Variants in ECPAS observed in about 807,000 individuals in gnomAD.
ECPAS encodes proteasome adapter and scaffold protein ECM29.
ECPAS carries 70 observed loss-of-function variants against 255.1 expected under a neutral mutation model. The observed-to-expected ratio is 0.27, with a 90% CI of 0.23 to 0.33. ECPAS has a LOEUF of 0.33. Among genes scored for constraint, ECPAS ranks in the 10% least tolerant of loss-of-function variants. The probability of loss-of-function intolerance (pLI) is 1.00; values close to 1 mark genes in which losing one functional copy is unlikely to be tolerated. For synonymous variants in ECPAS, 784 were observed against 775.0 expected, an observed-to-expected ratio of 1.01 and a Z score of -0.19; for missense variants, 1,817 against 2,206.4, an observed-to-expected ratio of 0.82 and a Z score of 3.54.
At chr9:111,399,088 CCCTATTCT>C (rs1164602245) in intron 24 of ECPAS, among the ~76,000 whole-genome samples, 1 of 152,038 alleles carries the variant, frequency 6.6e-6, no homozygotes, top group Non-Finnish European at 1.5e-5. Context: ...GGGATGGATA[CCCTATTCT>C]CCATGATGTG....
chr9:111,483,170 C>A (rs904840650), intron 1 of ECPAS, among the ~76,000 whole-genome samples: 5 of 152,130 alleles, frequency 3.3e-5, no homozygotes, highest in African/African-American at 1.2e-4. Flanking sequence ...CCCGTCACCC[C>A]GGGGCTCCGG....
intron 28 of ECPAS, 70 bp downstream of exon 28, chr9:111,392,698 C>T: frequency 9.8e-7 from 1 of 1,024,250 alleles, no homozygotes; most frequent in Non-Finnish European, 1.5e-6. Context: ...CTTCCTTCTC[C>T]AGCATCTTCT....
At chr9:111,393,880 C>G (rs2098163871) in intron 26 of ECPAS, 146 bp from the exon 27 acceptor site, 2 of 696,576 alleles carry the variant, frequency 2.9e-6, no homozygotes, top group Non-Finnish European at 4.8e-6. Flanking sequence ...ACAGGTGGCC[C>G]AAATCACCTG....
chr9:111,414,745 A>T (rs2098200504), intron 18 of ECPAS, 94 bp from the exon 19 acceptor site: 1 of 1,102,082 alleles, frequency 9.1e-7, no homozygotes, highest in Admixed American at 2.2e-5. Flanking sequence ...GTTTTGATTC[A>T]CCCACACTTC....
intron 24 of ECPAS, among the ~76,000 whole-genome samples, chr9:111,406,947 C>T (rs1388292725): frequency 6.7e-6 from 1 of 149,132 alleles, no homozygotes; most frequent in Non-Finnish European, 1.5e-5. Flanking sequence ...GTGTCCTATT[C>T]GACTGTGAAG....
intron 1 of ECPAS, among the ~76,000 whole-genome samples, chr9:111,479,860 T>C (rs2098301801): frequency 6.6e-6 from 1 of 150,484 alleles, no homozygotes; most frequent in Non-Finnish European, 1.5e-5. Context: ...GTGCCTGTAA[T>C]CCCAGTTACT....
intron 28 of ECPAS, among the ~76,000 whole-genome samples, 187 bp from the exon 29 acceptor site, chr9:111,392,011 T>C (rs1174257406): frequency 3.3e-5 from 5 of 152,004 alleles, no homozygotes. Context: ...GAGGCCGAGG[T>C]GGGTGGATCA....
chr9:111,416,374 C>G (rs765893174), intron 17 of ECPAS, 22 bp from the exon 18 acceptor site: 60 of 1,585,470 alleles, frequency 3.8e-5, no homozygotes, highest in Non-Finnish European at 4.9e-5. Flanking sequence ...AAGTCCAAAA[C>G]AGACACAATT....
In ECPAS at chr9:111,413,929, G is replaced by A. The variant is rs1235002768; in HGVS notation, c.2045C>T (p.Ala682Val). ...TTCTGTTTTGTCTACAAATTTGGTA[G>A]CCAGCTTTTCTGGATACACTGACAC... ...EAVSVYPEKLATKFVDKTEWI... is the reference protein window; with the variant it reads ...EAVSVYPEKLVTKFVDKTEWI... Residue 682 changes from alanine to valine, a missense_variant, in exon 20 of 50, where the codon GCT becomes GTT. This residue lies in a region of ECPAS where 573 missense variants were observed against 716.2 expected (regional missense o/e 0.80). Coordinates refer to ENST00000684092, the MANE Select transcript of ECPAS (RefSeq NM_001364929.1). 3 of 1,587,774 alleles carry A rather than the reference G, an allele frequency of 1.9e-6. No homozygotes were observed. Among genetic ancestry groups the A allele is most frequent in the South Asian group, 2.3e-5 (2 of 87,002 alleles).
intron 15 of ECPAS, among the ~76,000 whole-genome samples, 164 bp from the exon 16 acceptor site, chr9:111,420,284 T>C (rs536451965): frequency 1.3e-5 from 2 of 152,332 alleles, no homozygotes; most frequent in African/African-American, 4.8e-5. Flanking sequence ...AAATAAATCA[T>C]TTGTTCAAGA....
In ECPAS at chr9:111,366,335, A is replaced by C. The variant is rs375499317; in HGVS notation, c.5220-8T>G. The C allele has an allele frequency of 3.2e-6, 5 of 1,559,246 alleles. No individual in the cohort carries two copies. The African/African-American group carries it at 6.8e-5, about 21-fold the overall frequency. On this transcript the variant is annotated splice_polypyrimidine_tract_variant and splice_region_variant and intron_variant, in intron 47 of 49. Coordinates refer to ENST00000684092, the MANE Select transcript of ECPAS (RefSeq NM_001364929.1). ...TCTTCCAAAAGCATTAACCTATACA[A>C]ATCAGAAAGCAAGGTACAAATGCCA... is the stretch of plus-strand genomic sequence containing the variant.
chr9:111,410,012 G>A, intron 23 of ECPAS, 29 bp downstream of exon 23: 1 of 1,524,784 alleles, frequency 6.6e-7, no homozygotes, highest in Non-Finnish European at 8.9e-7. Context: ...CCGAATTCCA[G>A]AAAGGGAAAA....
At chr9:111,387,013 T>C (rs540071318) in intron 31 of ECPAS, among the ~76,000 whole-genome samples, 1 of 152,380 alleles carries the variant, frequency 6.6e-6, no homozygotes, top group African/African-American at 2.4e-5. Context: ...CGGGTGCAGT[T>C]ATTGTACAGG....
rs780886227 is a variant in ECPAS at position 111,422,062 on chromosome 9, T to C, written c.1333-19A>G. The stretch of plus-strand genomic sequence containing the variant: ...GCTCTTCCTATAAAGATGATAAAAA[T>C]GTTTCCCTCCTTGTTGGGTTCCCAG... On this transcript the variant is annotated intron_variant, in intron 14 of 49. Coordinates refer to ENST00000684092, the MANE Select transcript of ECPAS (RefSeq NM_001364929.1). The C allele has an allele frequency of 6.2e-7, 1 of 1,613,552 alleles. No individual in the cohort carries two copies. Among genetic ancestry groups the C allele is most frequent in the Admixed American group, 1.7e-5 (1 of 59,932 alleles).
chr9:111,430,536 A>G lies in ECPAS; in HGVS notation c.930+11T>C, dbSNP rs570301975. On this transcript the variant is annotated intron_variant, in intron 9 of 49. Transcript: ENST00000684092. ...TTTACGCTGATGTGAGAATAAATCA[A>G]AACAACCTACCTCTTTTGTCTTCAG... 1.0e-4 allele frequency: 155 copies of G among 1,544,672 alleles called. 1 individual carries two copies. The South Asian group carries it at 1.7e-3, about 17-fold the overall frequency.
At chr9:111,405,449 A>T (rs2098182589) in intron 24 of ECPAS, among the ~76,000 whole-genome samples, 1 of 149,718 alleles carries the variant, frequency 6.7e-6, no homozygotes, top group South Asian at 2.1e-4. Context: ...AGACTACTAT[A>T]AAAAAACACT....
In ECPAS at chr9:111,383,337, C is replaced by T. The variant is rs374512672; in HGVS notation, c.3682-5G>A. On this transcript the variant is annotated splice_polypyrimidine_tract_variant and splice_region_variant and intron_variant, in intron 34 of 49. Coordinates refer to ENST00000684092, the MANE Select transcript of ECPAS (RefSeq NM_001364929.1). ...GTCACACATTTTCACACAGACCTCA[C>T]ATACAAAGAGCATGGACGTTAGTGA... is the stretch of plus-strand genomic sequence containing the variant. 11 of 1,608,518 alleles carry T rather than the reference C, an allele frequency of 6.8e-6. No homozygotes were observed. The highest frequency in any genetic ancestry group is 9.3e-6 in the Non-Finnish European group (11 of 1,177,276).
In ECPAS at chr9:111,437,021, T is replaced by C. The variant is rs2098239176; in HGVS notation, c.627A>G (p.Pro209=). 6.2e-7 allele frequency: 1 copy of C among 1,613,182 alleles called. No homozygotes were observed. The highest frequency in any genetic ancestry group is 1.3e-5 in the African/African-American group (1 of 74,896). ...AAAAGCTCATTCCCGGAGGAGGCTG[T>C]GGGATTCCAGAACCTCCGCCACTGT... The part of the protein sequence containing the change: ...SSNSGGGSGI[P]QPPPGMSFYA... The change falls in exon 7 of 50, where the codon CCA becomes CCG. Residue 209 remains proline (P), a synonymous_variant. Transcript: ENST00000684092.
At chr9:111,415,767 C>T (rs1347989130) in intron 18 of ECPAS, among the ~76,000 whole-genome samples, 1 of 151,524 alleles carries the variant, frequency 6.6e-6, no homozygotes, top group Non-Finnish European at 1.5e-5. Flanking sequence ...CCAAGGAGTC[C>T]ATCCTCTGGA....
Sources: gnomAD v4.1 joint callset for allele counts (sites outside exome capture counted in the v4.1 genomes callset) on GRCh38, gnomAD v4.1.1 for gene constraint, gnomAD v4.1.1 regional missense constraint, MANE v1.5 for transcripts, NCBI Gene and HGNC (gene_info 2026-07-23, HGNC 2026-07-21) for gene names.